CDH13: variants seen among roughly 807,000 people sequenced by gnomAD.
The protein encoded by CDH13 is cadherin 13.
In CDH13, 24 loss-of-function variants were observed where a neutral mutation model predicts 63.8. The ratio of observed to expected loss-of-function variants is 0.38; its 90% confidence interval spans 0.27 to 0.53. CDH13 has a LOEUF of 0.53. Among genes scored for constraint, CDH13 ranks in the 20% least tolerant of loss-of-function variants. The pLI is 0.85. For missense variants in CDH13, 1,049 were observed against 903.1 expected, an observed-to-expected ratio of 1.16 and a Z score of -2.07; for synonymous variants, 503 against 355.3, an observed-to-expected ratio of 1.42 and a Z score of -4.67.
At chr16:82,995,686 C>T (rs1395897371) in intron 2 of CDH13, among the ~76,000 whole-genome samples, 2 of 152,076 alleles carry the variant, frequency 1.3e-5, no homozygotes, top group African/African-American at 2.4e-5. Context: ...CAACTATTTT[C>T]AAAATAGATG....
intron 1 of CDH13, among the ~76,000 whole-genome samples, chr16:82,839,925 T>A (rs1248593465): frequency 6.6e-6 from 1 of 152,216 alleles, no homozygotes; most frequent in African/African-American, 2.4e-5. Flanking sequence ...CTTTGAAATA[T>A]TACATTAATC....
chr16:83,370,167 C>A lies in CDH13; in HGVS notation c.781+25161C>A, dbSNP rs949935438. ...CTTTGGAAGTCTGAGGCGGACGGAT[C>A]GTGAAGTCAGGAGATTGAGACCATC... On this transcript the variant is annotated intron_variant, in intron 6 of 13. Transcript: ENST00000567109. Among the ~76,000 whole-genome samples the A allele has an allele frequency of 2.6e-5, 4 of 152,248 alleles. No homozygotes were observed. In the Middle Eastern group the frequency reaches 0.01, roughly 388 times the overall value.
intron 5 of CDH13, among the ~76,000 whole-genome samples, chr16:83,337,171 G>T (rs2090616932): frequency 6.6e-6 from 1 of 152,172 alleles, no homozygotes; most frequent in Non-Finnish European, 1.5e-5. Flanking sequence ...TTGGCTTGAA[G>T]AATCATTGTT....
At chr16:83,029,210 G>A (rs940717656) in intron 2 of CDH13, among the ~76,000 whole-genome samples, 1 of 152,290 alleles carries the variant, frequency 6.6e-6, no homozygotes, top group African/African-American at 2.4e-5. Context: ...TCTTCCCAGA[G>A]TAGAAATATC....
chr16:83,625,154 C>CTCA (rs1555505955), intron 8 of CDH13, among the ~76,000 whole-genome samples: 4 of 149,614 alleles, frequency 2.7e-5, no homozygotes, highest in African/African-American at 5.0e-5. Flanking sequence ...TAAAGAAACT[C>CTCA]TGTGTGTGTG....
chr16:82,875,712 G>T (rs2040482501), intron 2 of CDH13, among the ~76,000 whole-genome samples: 1 of 151,968 alleles, frequency 6.6e-6, no homozygotes, highest in African/African-American at 2.4e-5. Context: ...ATGCAAAAGG[G>T]GACCAATAAA....
intron 7 of CDH13, among the ~76,000 whole-genome samples, chr16:83,505,827 G>A (rs1340502012): frequency 6.6e-6 from 1 of 152,138 alleles, no homozygotes; most frequent in Non-Finnish European, 1.5e-5. Flanking sequence ...AGTTTAAAGA[G>A]ATCCAGGAAG....
At chr16:82,766,198 T>G (rs8045359) in intron 1 of CDH13, among the ~76,000 whole-genome samples, 1,735 of 152,324 alleles carry the variant, frequency 0.011, 33 homozygotes, top group African/African-American at 0.04. Context: ...AAAGTCTTAT[T>G]CGTGAGATGT....
At chr16:83,200,658 A>T (rs2038999620) in intron 4 of CDH13, among the ~76,000 whole-genome samples, 1 of 152,136 alleles carries the variant, frequency 6.6e-6, no homozygotes, top group African/African-American at 2.4e-5. Context: ...TAGTAACCGA[A>T]ACTTGAGAGG....
chr16:83,014,743 A>ATATAT (rs1555562539), intron 2 of CDH13, among the ~76,000 whole-genome samples: 11 of 33,230 alleles, frequency 3.3e-4, no homozygotes, highest in Admixed American at 3.0e-3. Context: ...AAAAAAAAAA[A>ATATAT]ATATATATAT....
intron 5 of CDH13, among the ~76,000 whole-genome samples, chr16:83,252,107 T>TACACACACAC (rs149781230): frequency 0.21 from 28,907 of 135,698 alleles, 3,355 homozygotes; most frequent in Non-Finnish European, 0.24. Flanking sequence ...ATATATATTA[T>TACACACACAC]ACACACACAC....
chr16:82,934,020 G>T (rs528913943), intron 2 of CDH13, among the ~76,000 whole-genome samples: 1 of 152,302 alleles, frequency 6.6e-6, no homozygotes, highest in Admixed American at 6.5e-5. Flanking sequence ...ACCATCCTGG[G>T]GTCTGGAGGA....
chr16:83,673,210 C>T (rs1245442158), intron 9 of CDH13, among the ~76,000 whole-genome samples: 2 of 152,194 alleles, frequency 1.3e-5, no homozygotes, highest in Admixed American at 1.3e-4. Context: ...AAACCTAATC[C>T]ATACGAATAC....
intron 4 of CDH13, among the ~76,000 whole-genome samples, chr16:83,154,054 A>G (rs570540356): frequency 3.2e-4 from 49 of 152,278 alleles, no homozygotes; most frequent in African/African-American, 1.1e-3. Context: ...TCCTGTTGAT[A>G]TCAAGCTTGA....
intron 6 of CDH13, among the ~76,000 whole-genome samples, chr16:83,394,510 T>G (rs2091848436): frequency 6.6e-6 from 1 of 151,664 alleles, no homozygotes; most frequent in Non-Finnish European, 1.5e-5. Flanking sequence ...TGAAATAAAG[T>G]GAGAAGGGGA....
intron 2 of CDH13, among the ~76,000 whole-genome samples, chr16:82,893,983 C>T (rs1465025160): frequency 6.6e-6 from 1 of 152,140 alleles, no homozygotes; most frequent in Non-Finnish European, 1.5e-5. Flanking sequence ...ACAGAGAGAG[C>T]AGCCAGCCAC....
chr16:83,256,406 G>C (rs1906264551), intron 5 of CDH13, among the ~76,000 whole-genome samples: 2 of 152,080 alleles, frequency 1.3e-5, no homozygotes, highest in Admixed American at 1.3e-4. Flanking sequence ...ACCCAACCTT[G>C]TCTTCATTTT....
intron 3 of CDH13, among the ~76,000 whole-genome samples, chr16:83,032,872 G>A (rs1414307158): frequency 6.6e-6 from 1 of 152,182 alleles, no homozygotes; most frequent in Non-Finnish European, 1.5e-5. Flanking sequence ...CAGAGGAAAG[G>A]AAATGGATGG....
intron 8 of CDH13, among the ~76,000 whole-genome samples, chr16:83,653,877 G>T (rs1039930050): frequency 6.6e-6 from 1 of 152,138 alleles, no homozygotes; most frequent in African/African-American, 2.4e-5. Flanking sequence ...CGCTCAGCAC[G>T]GCGTCATCAG....
Sources: gnomAD v4.1 joint callset for allele counts (sites outside exome capture counted in the v4.1 genomes callset) on GRCh38, gnomAD v4.1.1 for gene constraint, MANE v1.5 for transcripts, NCBI Gene and HGNC (gene_info 2026-07-23, HGNC 2026-07-21) for gene names.